Variants in SCAPER observed in about 807,000 individuals in gnomAD.
The protein encoded by SCAPER is S-phase cyclin A associated protein in the ER, also known as S phase cyclin A-associated protein in the endoplasmic reticulum.
A neutral mutation model predicts 182.2 loss-of-function variants in SCAPER; 98 were observed. The ratio of observed to expected loss-of-function variants is 0.54; its 90% CI spans 0.46 to 0.64. The LOEUF (loss-of-function observed/expected upper bound fraction) is 0.64, where lower values mean the gene tolerates loss of function less well. SCAPER is among the 30% of genes least tolerant of loss of function. The probability of loss-of-function intolerance (pLI) is 0.00; values close to 1 mark genes in which losing one functional copy is unlikely to be tolerated. For synonymous variants in SCAPER, 605 were observed against 564.6 expected (o/e 1.07, Z -1.01); for missense variants, 1,432 against 1,690.0 (o/e 0.85, Z 2.68).
At chr15:76,755,778 T>C (rs1042656577) in intron 14 of SCAPER, among the ~76,000 whole-genome samples, 2 of 152,220 alleles carry the variant, frequency 1.3e-5, no homozygotes, top group African/African-American at 4.8e-5. Flanking sequence ...TCTGATTTTC[T>C]ATGGAGAAAT....
At chr15:76,639,722 C>G (rs1165966307) in intron 21 of SCAPER, among the ~76,000 whole-genome samples, 1 of 151,600 alleles carries the variant, frequency 6.6e-6, no homozygotes, top group Admixed American at 6.6e-5. Context: ...CCTATTCCCC[C>G]CAACCCCACA....
intron 25 of SCAPER, among the ~76,000 whole-genome samples, chr15:76,435,745 C>T (rs959241634): frequency 6.6e-6 from 1 of 152,188 alleles, no homozygotes; most frequent in Non-Finnish European, 1.5e-5. Context: ...GATAGTTTGG[C>T]TGGATATAGG....
At chr15:76,812,480 T>A (rs1306849912) in intron 5 of SCAPER, among the ~76,000 whole-genome samples, 84 of 30,666 alleles carry the variant, frequency 2.7e-3, no homozygotes, top group African/African-American at 6.7e-3. Context: ...GGAGTGAGAC[T>A]CTGAAAAAAA....
chr15:76,828,402 A>G (rs2151696922), intron 5 of SCAPER, among the ~76,000 whole-genome samples: 1 of 152,172 alleles, frequency 6.6e-6, no homozygotes, highest in Non-Finnish European at 1.5e-5. Flanking sequence ...AAAAAAATCA[A>G]TGCTCTATCA....
chr15:76,851,774 C>T (rs752327405), intron 4 of SCAPER, among the ~76,000 whole-genome samples: 7 of 152,064 alleles, frequency 4.6e-5, no homozygotes, highest in Non-Finnish European at 7.4e-5. Context: ...AAAGCGGCCA[C>T]ACAAACAAGC....
intron 23 of SCAPER, among the ~76,000 whole-genome samples, chr15:76,521,016 A>G (rs1052472024): frequency 1.5e-4 from 23 of 152,218 alleles, no homozygotes; most frequent in African/African-American, 5.1e-4. Context: ...AGATAGCTCT[A>G]TGTTACTCCT....
In SCAPER at chr15:76,770,468, T is replaced by C. The variant is rs1227558819; in HGVS notation, c.1248+1274A>G. Among the ~76,000 whole-genome samples, 3 of 152,060 alleles carry C rather than the reference T, an allele frequency of 2.0e-5. No individual in the cohort carries two copies. The South Asian group carries it at 6.2e-4, about 32-fold the overall frequency. ...GTGCTTATCACCTTATCACCCTTGG[T>C]TTGTCAAAACAAAACAAAAAGTATT... On this transcript the variant is annotated intron_variant, in intron 10 of 31. Transcript: ENST00000563290.
intron 25 of SCAPER, among the ~76,000 whole-genome samples, chr15:76,435,813 C>T (rs936959567): frequency 3.3e-5 from 5 of 152,220 alleles, no homozygotes; most frequent in African/African-American, 1.2e-4. Flanking sequence ...TTGTTTTCCA[C>T]TTCAAGCATG....
At chr15:76,661,478 T>C (rs2056160165) in intron 21 of SCAPER, among the ~76,000 whole-genome samples, 1 of 152,010 alleles carries the variant, frequency 6.6e-6, no homozygotes, top group Non-Finnish European at 1.5e-5. Flanking sequence ...TAAACAAATT[T>C]ACAAGAAAAT....
intron 15 of SCAPER, among the ~76,000 whole-genome samples, chr15:76,735,364 C>A (rs779351307): frequency 6.6e-6 from 1 of 151,760 alleles, no homozygotes; most frequent in Non-Finnish European, 1.5e-5. Flanking sequence ...CAGAGTGAGA[C>A]CCTGTCTCAT....
chr15:76,708,048 G>A (rs2059352074), intron 17 of SCAPER, among the ~76,000 whole-genome samples: 1 of 151,922 alleles, frequency 6.6e-6, no homozygotes, highest in South Asian at 2.1e-4. Context: ...GTATCCAAGG[G>A]GGATTGGTTC....
rs200370166 is a variant in SCAPER at position 76,631,817 on chromosome 15, T to C, written c.2646-9988A>G. Among the ~76,000 whole-genome samples the C allele has an allele frequency of 1.1e-4, 16 of 152,310 alleles. No homozygotes were observed. The East Asian group carries it at 2.7e-3, about 26-fold the overall frequency. On this transcript the variant is annotated intron_variant, in intron 21 of 31. Coordinates refer to ENST00000563290, the MANE Select transcript of SCAPER (RefSeq NM_020843.4). ...ACTGGGGTTCTTTGGTTGTCATGAA[T>C]GTGAATATTGGCCTGTCTTGCTAGG...
At position 76,795,437 on chromosome 15, in the gene SCAPER, A is replaced by C; in HGVS notation, c.615T>G (p.Gly205=). 1 of 1,566,670 alleles carries C rather than the reference A, an allele frequency of 6.4e-7. No individual in the cohort carries two copies. Among genetic ancestry groups the C allele is most frequent in the Non-Finnish European group, 8.6e-7 (1 of 1,159,730 alleles). ...GAGGAGCTGGCACTGTGCCAGTTGA[A>C]CCTCTATGGAGAAAAATAAACACAT... ...SNARRSLNFG[G]STGTVPAPRL... Residue 205 remains glycine, a synonymous_variant, in exon 8 of 32, where the codon GGT becomes GGG. Coordinates refer to ENST00000563290, the MANE Select transcript of SCAPER (RefSeq NM_020843.4).
At chr15:76,505,234 A>G (rs1029509304) in intron 23 of SCAPER, among the ~76,000 whole-genome samples, 10 of 152,238 alleles carry the variant, frequency 6.6e-5, no homozygotes, top group Admixed American at 5.9e-4. Flanking sequence ...CCAAAGCAAA[A>G]ATGGACAAGT....
At chr15:76,847,756 A>T (rs1301645709) in intron 4 of SCAPER, among the ~76,000 whole-genome samples, 1 of 152,092 alleles carries the variant, frequency 6.6e-6, no homozygotes, top group African/African-American at 2.4e-5. Context: ...CCCTATTTCT[A>T]CAAAAAATGA....
intron 25 of SCAPER, among the ~76,000 whole-genome samples, chr15:76,453,845 G>A (rs1426991921): frequency 6.6e-6 from 1 of 152,144 alleles, no homozygotes; most frequent in Non-Finnish European, 1.5e-5. Flanking sequence ...GGTAAAAAGT[G>A]GCAGAAAGAT....
chr15:76,817,529 G>A (rs1478545002), intron 5 of SCAPER, among the ~76,000 whole-genome samples: 4 of 152,012 alleles, frequency 2.6e-5, no homozygotes, highest in Admixed American at 1.3e-4. Flanking sequence ...TAATGATAAC[G>A]TATTGTATAC....
intron 4 of SCAPER, among the ~76,000 whole-genome samples, chr15:76,845,760 C>T (rs2070006462): frequency 6.6e-6 from 1 of 151,952 alleles, no homozygotes; most frequent in African/African-American, 2.4e-5. Context: ...ATTAAAATGT[C>T]CATAATATCC....
intron 25 of SCAPER, among the ~76,000 whole-genome samples, chr15:76,446,868 A>C (rs2048034334): frequency 6.6e-6 from 1 of 152,230 alleles, no homozygotes; most frequent in African/African-American, 2.4e-5. Flanking sequence ...TACGCGTTCA[A>C]TAGAAACCAT....
Sources: allele counts gnomAD v4.1 joint callset (sites outside exome capture counted in the v4.1 genomes callset), GRCh38; gene constraint gnomAD v4.1.1; transcripts MANE v1.5; gene names NCBI Gene and HGNC (gene_info 2026-07-23, HGNC 2026-07-21).